Variants in ZZEF1 observed in about 807,000 individuals in gnomAD.
ZZEF1 encodes the protein zinc finger ZZ-type and EF-hand domain-containing protein 1.
ZZEF1 carries 157 observed loss-of-function variants against 342.8 expected under a neutral mutation model. The observed-to-expected ratio is 0.46, with a 90% CI of 0.40 to 0.52. ZZEF1 has a LOEUF of 0.52. ZZEF1 is among the 20% of genes least tolerant of loss of function. The probability of loss-of-function intolerance (pLI) is 0.00; values close to 1 mark genes in which losing one functional copy is unlikely to be tolerated. For missense variants in ZZEF1, 3,480 were observed against 3,725.6 expected (o/e 0.93, Z 1.72); for synonymous variants, 1,505 against 1,429.1 (o/e 1.05, Z -1.20).
At chr17:4,047,973 C>T (rs1416507253) in intron 37 of ZZEF1, among the ~76,000 whole-genome samples, 1 of 151,812 alleles carries the variant, frequency 6.6e-6, no homozygotes, top group East Asian at 1.9e-4. Context: ...GATTTTTATC[C>T]ATTGAATTAA....
chr17:4,016,265 G>T lies in ZZEF1; in HGVS notation c.8145+58C>A, dbSNP rs987209336. On this transcript the variant is annotated intron_variant, in intron 49 of 54. Transcript: ENST00000381638. This position sits in a 1 kb window ranked among gnomAD's most constrained non-coding sequence, Gnocchi z 4.4. ...GCATGGAGGGGCTGAGCACGGAGGG[G>T]CTGACGAGGTCTCTGCGGCTCAGTC... The T allele has an allele frequency of 1.3e-6, 2 of 1,562,118 alleles. No homozygotes were observed. Among genetic ancestry groups the T allele is most frequent in the Non-Finnish European group, 1.7e-6 (2 of 1,158,648 alleles).
chr17:4,077,968 T>G lies in ZZEF1; in HGVS notation c.2904A>C (p.Gln968His). The change falls in exon 19 of 55, where the codon CAA (glutamine) becomes CAC (histidine). Residue 968 changes from glutamine to histidine, a missense_variant. This residue lies in a region of ZZEF1 where 1,528 missense variants were observed against 1,624.1 expected (regional missense o/e 0.94). Transcript: ENST00000381638. ...SVLFSLFWSVQGSLLSWCYLQ... is the reference protein window; with the variant it reads ...SVLFSLFWSVHGSLLSWCYLQ... Reference sequence around the variant, plus strand: ...GGTAGCACCAGGATAGCAGGCTGCCTTGGACGGACCAGAACAGGGAGAAGA... The same window carrying G: ...GGTAGCACCAGGATAGCAGGCTGCCGTGGACGGACCAGAACAGGGAGAAGA... The G allele has an allele frequency of 6.2e-7, 1 of 1,614,194 alleles. No homozygotes were observed. The highest frequency in any genetic ancestry group is 8.5e-7 in the Non-Finnish European group (1 of 1,180,044).
chr17:4,095,145 A>G lies in ZZEF1; in HGVS notation c.1913+686T>C, dbSNP rs138548409. On this transcript the variant is annotated intron_variant, in intron 11 of 54. Transcript: ENST00000381638. ...CAATGCGGGACCTGCCCGTTCCTTC[A>G]ATGTGCCATGCTTCACCTCTGGGCC... Among the ~76,000 whole-genome samples, 303 of 152,198 alleles carry G rather than the reference A, an allele frequency of 2.0e-3. 1 individual carries two copies. Among genetic ancestry groups the G allele is most frequent in the African/African-American group, 6.8e-3 (283 of 41,514 alleles).
At chr17:4,126,928 C>A (rs527301592) in intron 1 of ZZEF1, among the ~76,000 whole-genome samples, 2 of 152,206 alleles carry the variant, frequency 1.3e-5, no homozygotes, top group Admixed American at 1.3e-4. Flanking sequence ...AATTATAACA[C>A]TGCACTCCAG....
At chr17:4,033,612 G>A in intron 40 of ZZEF1, 1 of 195,904 alleles carries the variant, frequency 5.1e-6, no homozygotes, top group South Asian at 8.9e-5. Context: ...GCCTCCCAAA[G>A]TGCTGGGATT....
chr17:4,068,186 T>C (rs934694349), intron 26 of ZZEF1, among the ~76,000 whole-genome samples: 5 of 152,182 alleles, frequency 3.3e-5, no homozygotes, highest in African/African-American at 1.2e-4. Flanking sequence ...AAAACATTCA[T>C]AAAGGTTCTA....
In ZZEF1 at chr17:4,014,428, T is replaced by C; in HGVS notation, c.8233A>G (p.Met2745Val). Residue 2745 changes from methionine to valine, a missense_variant, in exon 50 of 55, where the codon ATG becomes GTG. By Grantham distance (21) the Met-to-Val change is conservative. Coordinates refer to ENST00000381638, the MANE Select transcript of ZZEF1 (RefSeq NM_015113.4). This position sits in a 1 kb window ranked among gnomAD's most constrained non-coding sequence, Gnocchi z 4.4. The part of the protein sequence containing the change: ...NTEEGCDELA[M>V]SSSSDFQQDR... The stretch of plus-strand genomic sequence containing the variant: ...TGCTGGAAGTCACTGCTGCTGGACA[T>C]GGCTAACTCGTCACAGCCCTCCTCT... 2 of 1,614,224 alleles carry C rather than the reference T, an allele frequency of 1.2e-6. No individual in the cohort carries two copies. The highest frequency in any genetic ancestry group is 1.7e-5 in the Admixed American group (1 of 60,024).
intron 52 of ZZEF1, among the ~76,000 whole-genome samples, chr17:4,011,095 A>T (rs2055940467): frequency 1.3e-5 from 2 of 151,916 alleles, no homozygotes; most frequent in South Asian, 4.1e-4. Flanking sequence ...ACCTCTAAAA[A>T]AAATTAAAGA....
chr17:4,075,316 T>G lies in ZZEF1; in HGVS notation c.3348A>C (p.Pro1116=). The G allele has an allele frequency of 6.2e-7, 1 of 1,614,240 alleles. No individual in the cohort carries two copies. The highest frequency in any genetic ancestry group is 8.5e-7 in the Non-Finnish European group (1 of 1,180,028). The change falls in exon 22 of 55, where the codon CCA becomes CCC. Residue 1116 remains proline, a synonymous_variant. Coordinates refer to ENST00000381638, the MANE Select transcript of ZZEF1 (RefSeq NM_015113.4). ...ATTCCACTTCAAAATAGGTTGCCCC[T>G]GGGCTAACAAAGACGGATACCTCAT... ...NCHEVSVFVS[P]GATYFEVEFD...
intron 6 of ZZEF1, among the ~76,000 whole-genome samples, chr17:4,106,173 C>T (rs1314032326): frequency 6.6e-6 from 1 of 152,126 alleles, no homozygotes; most frequent in African/African-American, 2.4e-5. Context: ...GGCTTGAACT[C>T]CTGACCTCGT....
At chr17:4,107,797 C>A (rs923396335) in intron 6 of ZZEF1, among the ~76,000 whole-genome samples, 10 of 152,192 alleles carry the variant, frequency 6.6e-5, no homozygotes, top group African/African-American at 2.4e-4. Context: ...GTAATCTCTG[C>A]ACTTTGGGAG....
intron 33 of ZZEF1, among the ~76,000 whole-genome samples, chr17:4,055,279 AC>A (rs1308161755): frequency 6.6e-6 from 1 of 152,222 alleles, no homozygotes; most frequent in Non-Finnish European, 1.5e-5. Flanking sequence ...AGAAAAAGCC[AC>A]AAAGGCCCAC....
At chr17:4,011,749 T>C (rs1304135624) in intron 52 of ZZEF1, among the ~76,000 whole-genome samples, 4 of 152,228 alleles carry the variant, frequency 2.6e-5, no homozygotes, top group Non-Finnish European at 4.4e-5. Flanking sequence ...TTATTGTGTA[T>C]ATTTAATTGT....
In ZZEF1 at chr17:4,081,485, T is replaced by C; in HGVS notation, c.2720A>G (p.Lys907Arg). Residue 907 changes from lysine (K) to arginine (R), a missense_variant, in exon 18 of 55, where the codon AAG (lysine) becomes AGG (arginine). Physicochemically the swap from Lys to Arg is conservative, Grantham distance 26. This residue lies in a region of ZZEF1 where 1,528 missense variants were observed against 1,624.1 expected (regional missense o/e 0.94). Transcript: ENST00000381638. Reference sequence around the variant, plus strand: ...TAAAAGAAGAAGGCCGCCTGGATCCTTGTCACTGAAAGGATACAAATTAGT... The same window carrying C: ...TAAAAGAAGAAGGCCGCCTGGATCCCTGTCACTGAAAGGATACAAATTAGT... ...FRSLCTYFSD[K>R]DPGGLLLLPE... is the part of the protein sequence containing the mutation. 1 of 1,613,788 alleles carries C rather than the reference T, an allele frequency of 6.2e-7. No individual in the cohort carries two copies. The highest frequency in any genetic ancestry group is 8.5e-7 in the Non-Finnish European group (1 of 1,179,734).
intron 42 of ZZEF1, among the ~76,000 whole-genome samples, chr17:4,030,038 A>G (rs1431279656): frequency 4.6e-5 from 7 of 151,678 alleles, no homozygotes; most frequent in South Asian, 2.1e-4. Flanking sequence ...AAAAAAAAAA[A>G]AAAAGAAAAG....
At chr17:4,091,518 AC>A (rs1307831568) in intron 11 of ZZEF1, among the ~76,000 whole-genome samples, 1 of 152,198 alleles carries the variant, frequency 6.6e-6, no homozygotes, top group Non-Finnish European at 1.5e-5. Flanking sequence ...ACGATGGCTC[AC>A]ACCTATAAGC....
chr17:4,135,496 A>G (rs993644454), intron 1 of ZZEF1, among the ~76,000 whole-genome samples: 8 of 151,722 alleles, frequency 5.3e-5, no homozygotes, highest in African/African-American at 1.9e-4. Context: ...GTGCCTCTGT[A>G]CAGCCTGAAT....
intron 42 of ZZEF1, among the ~76,000 whole-genome samples, chr17:4,030,950 A>T (rs923312085): frequency 6.6e-6 from 1 of 152,132 alleles, no homozygotes; most frequent in Non-Finnish European, 1.5e-5. Context: ...AGGCTGAGAC[A>T]GGTGGATCAC....
At chr17:4,011,435 T>C (rs1878331) in intron 52 of ZZEF1, among the ~76,000 whole-genome samples, 21,904 of 151,768 alleles carry the variant, frequency 0.14, 1,940 homozygotes, top group African/African-American at 0.25. Flanking sequence ...ACTACCATTG[T>C]TATGATTTTC....
Sources: allele counts gnomAD v4.1 joint callset (sites outside exome capture counted in the v4.1 genomes callset), GRCh38; gene constraint gnomAD v4.1.1; regional missense constraint gnomAD v4.1.1; non-coding constraint Gnocchi (gnomAD v3.1); transcripts MANE v1.5; gene names NCBI Gene and HGNC (gene_info 2026-07-23, HGNC 2026-07-21).